Variants in BCAR3 observed in about 807,000 individuals in gnomAD.
The protein encoded by BCAR3 is breast cancer anti-estrogen resistance protein 3.
Under a neutral mutation model 80.1 loss-of-function variants are expected in BCAR3, and 37 were observed. The ratio of observed to expected loss-of-function variants is 0.46; its 90% CI spans 0.36 to 0.61. The LOEUF is 0.61. BCAR3 is among the 20% of genes least tolerant of loss of function. The pLI, the probability that BCAR3 is intolerant of heterozygous loss-of-function variation, is 0.00. For missense variants in BCAR3, 978 were observed against 1,068.2 expected (o/e 0.92, Z 1.18); for synonymous variants, 389 against 418.9 (o/e 0.93, Z 0.87).
chr1:93,585,555 C>G (rs1412030342), intron 5 of BCAR3, among the ~76,000 whole-genome samples: 1 of 152,202 alleles, frequency 6.6e-6, no homozygotes, highest in Non-Finnish European at 1.5e-5. Flanking sequence ...CTGCCGAATA[C>G]ACTCCCACTC....
intron 2 of BCAR3, among the ~76,000 whole-genome samples, chr1:93,727,636 T>C (rs888822353): frequency 6.6e-6 from 1 of 152,130 alleles, no homozygotes; most frequent in African/African-American, 2.4e-5. Context: ...TCTAAAAAAT[T>C]ACCATTACAG....
At chr1:93,799,814 G>GT (rs1159129814) in intron 2 of BCAR3, among the ~76,000 whole-genome samples, 1 of 152,166 alleles carries the variant, frequency 6.6e-6, no homozygotes, top group African/African-American at 2.4e-5. Flanking sequence ...AACAGTCCAG[G>GT]TATATTGACA....
intron 2 of BCAR3, among the ~76,000 whole-genome samples, chr1:93,729,646 T>C (rs1030603824): frequency 6.6e-6 from 1 of 152,186 alleles, no homozygotes; most frequent in Non-Finnish European, 1.5e-5. Context: ...TGTCTGAGAT[T>C]GAGGCCAGGG....
At chr1:93,799,974 G>A (rs928831070) in intron 2 of BCAR3, among the ~76,000 whole-genome samples, 2 of 152,180 alleles carry the variant, frequency 1.3e-5, no homozygotes, top group African/African-American at 4.8e-5. Context: ...ACTACTGAAT[G>A]ATGGGGAATC....
At chr1:93,777,597 T>TTC (rs1652620746) in intron 2 of BCAR3, among the ~76,000 whole-genome samples, 1 of 151,824 alleles carries the variant, frequency 6.6e-6, no homozygotes, top group African/African-American at 2.4e-5. Flanking sequence ...AATTTAAAAT[T>TTC]TTTTTTTGTA....
chr1:93,673,052 G>T (rs777746144), intron 2 of BCAR3, among the ~76,000 whole-genome samples: 12 of 152,098 alleles, frequency 7.9e-5, no homozygotes, highest in Admixed American at 4.6e-4. Context: ...AGCCTGGAAG[G>T]CCCATGGTTG....
chr1:93,649,099 G>A (rs1333714323), intron 2 of BCAR3, among the ~76,000 whole-genome samples: 1 of 152,206 alleles, frequency 6.6e-6, no homozygotes. Context: ...CTGAGAACAA[G>A]GAGAGCCAAC....
chr1:93,562,833 T>A (rs548711176), intron 11 of BCAR3, among the ~76,000 whole-genome samples: 27 of 150,952 alleles, frequency 1.8e-4, no homozygotes, highest in Non-Finnish European at 2.9e-4. Context: ...AATGAACATC[T>A]TCTCTCTCTC....
chr1:93,708,236 T>G (rs1011570705), intron 2 of BCAR3, among the ~76,000 whole-genome samples: 1 of 152,206 alleles, frequency 6.6e-6, no homozygotes, highest in Non-Finnish European at 1.5e-5. Flanking sequence ...ACTGCTCTAC[T>G]CTGACACCAG....
intron 2 of BCAR3, among the ~76,000 whole-genome samples, chr1:93,707,252 C>T (rs946306214): frequency 5.3e-5 from 8 of 151,996 alleles, no homozygotes; most frequent in African/African-American, 1.9e-4. Context: ...AATCTATATG[C>T]ATTTAAAAAA....
chr1:93,761,666 G>C (rs904444489), intron 2 of BCAR3, among the ~76,000 whole-genome samples: 5 of 152,118 alleles, frequency 3.3e-5, no homozygotes, highest in Admixed American at 1.3e-4. Context: ...GCAAACCCCC[G>C]AGCTCAAGCC....
chr1:93,719,606 T>A (rs1221728396), intron 2 of BCAR3, among the ~76,000 whole-genome samples: 2 of 152,098 alleles, frequency 1.3e-5, no homozygotes. Flanking sequence ...CCTCCCAAAG[T>A]GCTGGGATTA....
intron 2 of BCAR3, among the ~76,000 whole-genome samples, chr1:93,838,004 A>G (rs1654829445): frequency 6.6e-6 from 1 of 152,238 alleles, no homozygotes; most frequent in African/African-American, 2.4e-5. Context: ...CTTTCCATGT[A>G]TCATTATTGT....
Position 93,652,648 on chromosome 1 carries a change from T to A in BCAR3, c.318-10305A>T, listed in dbSNP as rs539040087. Among the ~76,000 whole-genome samples the A allele has an allele frequency of 6.6e-5, 10 of 152,200 alleles. No homozygotes were observed. The South Asian group carries it at 1.2e-3, about 19-fold the overall frequency. ...TATAAATGAAAAGGTTTTTTTTTTT[T>A]ATAATTTTTTTTGGCTTATGCCAAT... is the stretch of plus-strand genomic sequence containing the variant. On this transcript the variant is annotated intron_variant, in intron 2 of 11. Coordinates refer to ENST00000260502, the MANE Select transcript of BCAR3 (RefSeq NM_003567.4).
At chr1:93,675,331 T>G (rs574788045) in intron 1 of BCAR3, among the ~76,000 whole-genome samples, 1 of 152,372 alleles carries the variant, frequency 6.6e-6, no homozygotes, top group South Asian at 2.1e-4. Flanking sequence ...CACTGCCCTG[T>G]AAATGATAAG....
chr1:93,802,049 A>G (rs1296764489), intron 2 of BCAR3, among the ~76,000 whole-genome samples: 3 of 152,020 alleles, frequency 2.0e-5, no homozygotes. Context: ...ACCTGGCTTG[A>G]ACCTGGGAGG....
At chr1:93,730,086 A>G (rs1022626825) in intron 2 of BCAR3, among the ~76,000 whole-genome samples, 9 of 152,142 alleles carry the variant, frequency 5.9e-5, no homozygotes, top group African/African-American at 2.2e-4. Context: ...TTTTCCCAGG[A>G]AGCAGTTTTC....
rs367585731 is a variant in BCAR3, at chr1:93,626,949, G to A, written c.357+15355C>T. ...TGACAAACTTGGTTATTCAGACTCG[G>A]GTATTTATTTGGCAGCCATTTTCTG... On this transcript the variant is annotated intron_variant, in intron 3 of 11. Transcript: ENST00000260502. 1.1e-4 allele frequency among the ~76,000 whole-genome samples: 17 copies of A among 152,292 alleles called. No individual in the cohort carries two copies. The East Asian group carries it at 2.5e-3, about 22-fold the overall frequency.
chr1:93,579,914 T>C (rs749934783), intron 7 of BCAR3, among the ~76,000 whole-genome samples: 2 of 152,214 alleles, frequency 1.3e-5, no homozygotes, highest in Non-Finnish European at 2.9e-5. Context: ...CCCAAACAGG[T>C]TAAGCTCGCT....
Sources: allele counts gnomAD v4.1 joint callset (sites outside exome capture counted in the v4.1 genomes callset), GRCh38; gene constraint gnomAD v4.1.1; transcripts MANE v1.5; gene names NCBI Gene and HGNC (gene_info 2026-07-23, HGNC 2026-07-21).